Variants in ATR observed in about 807,000 individuals in gnomAD.
The protein encoded by ATR is ATR checkpoint kinase.
Under a neutral mutation model 305.3 loss-of-function variants are expected in ATR, and 142 were observed. That is an observed-to-expected ratio of 0.47 (90% CI 0.41 to 0.53). The LOEUF is 0.53. Ranked by LOEUF, ATR falls within the 20% of genes least tolerant of loss-of-function variation. ATR has a pLI of 0.00. For missense variants in ATR, 2,135 were observed against 3,133.1 expected, an observed-to-expected ratio of 0.68 and a Z score of 7.60; for synonymous variants, 1,050 against 1,068.1, an observed-to-expected ratio of 0.98 and a Z score of 0.33.
chr3:142,476,047 C>T (rs1167013013), intron 36 of ATR, among the ~76,000 whole-genome samples: 3 of 152,134 alleles, frequency 2.0e-5, no homozygotes, highest in African/African-American at 7.2e-5. Flanking sequence ...TGTAAGTTGC[C>T]TGTTCACTCT....
chr3:142,474,967 G>T (rs1439339047), intron 36 of ATR, among the ~76,000 whole-genome samples: 1 of 151,736 alleles, frequency 6.6e-6, no homozygotes, highest in Non-Finnish European at 1.5e-5. Flanking sequence ...AAAAACAAAG[G>T]AATGAAAAAC....
chr3:142,526,397 T>C (rs1235758263), intron 21 of ATR, among the ~76,000 whole-genome samples: 2 of 152,110 alleles, frequency 1.3e-5, no homozygotes, highest in African/African-American at 4.8e-5. Context: ...ATTGCTTTTT[T>C]CCCTAAATTC....
chr3:142,570,285 AT>A (rs1298845711), intron 1 of ATR, among the ~76,000 whole-genome samples: 2 of 152,138 alleles, frequency 1.3e-5, no homozygotes, highest in African/African-American at 4.8e-5. Context: ...ATGAATTCCA[AT>A]TTATCTGTTT....
chr3:142,473,734 T>C (rs139743726), intron 36 of ATR, among the ~76,000 whole-genome samples: 135 of 151,320 alleles, frequency 8.9e-4, no homozygotes, highest in Non-Finnish European at 1.4e-3. Context: ...TTAGTAGAGA[T>C]GGGGTTTCAC....
chr3:142,482,610 T>C (rs904155996), intron 36 of ATR, among the ~76,000 whole-genome samples: 3 of 152,086 alleles, frequency 2.0e-5, no homozygotes, highest in East Asian at 1.9e-4. Context: ...GGTGGGAAGA[T>C]TGCTTGAGGC....
Position 142,541,048 on chromosome 3 carries a change from T to C in ATR, c.3451-14A>G, listed in dbSNP as rs1030625161. On this transcript the variant is annotated splice_polypyrimidine_tract_variant and intron_variant, in intron 17 of 46. Coordinates refer to ENST00000350721, the MANE Select transcript of ATR (RefSeq NM_001184.4). ...ACTGTTCAAGGCCTATAGAGTTAAG[T>C]AGTGCTTCAGAGTAAAGCTTATAAA... 1.5e-5 allele frequency: 24 copies of C among 1,613,176 alleles called. No homozygotes were observed. The highest frequency in any genetic ancestry group is 9.4e-5 in the African/African-American group (7 of 74,866).
chr3:142,491,002 T>A (rs1040834565), intron 35 of ATR, among the ~76,000 whole-genome samples: 4 of 152,168 alleles, frequency 2.6e-5, no homozygotes, highest in Non-Finnish European at 5.9e-5. Flanking sequence ...TATTGGGATA[T>A]AATTAATATA....
chr3:142,536,023 C>T (rs1559973082), intron 20 of ATR, 85 bp downstream of exon 20: 1 of 974,248 alleles, frequency 1.0e-6, no homozygotes, highest in African/African-American at 1.6e-5. Context: ...AGATATGATC[C>T]TAAAGGATCT....
chr3:142,513,340 T>C (rs2032676449), intron 26 of ATR, among the ~76,000 whole-genome samples, 161 bp downstream of exon 26: 3 of 152,216 alleles, frequency 2.0e-5, no homozygotes, highest in Admixed American at 2.0e-4. Context: ...GTCTATCAAT[T>C]AAAGGGATAC....
At chr3:142,538,974 G>A (rs958153851) in intron 18 of ATR, among the ~76,000 whole-genome samples, 1 of 152,040 alleles carries the variant, frequency 6.6e-6, no homozygotes, top group Admixed American at 6.6e-5. Context: ...ACTATAATTT[G>A]TTACACAGAT....
chr3:142,514,104 CA>C (rs1354406866), intron 25 of ATR, among the ~76,000 whole-genome samples: 1 of 150,734 alleles, frequency 6.6e-6, no homozygotes, highest in African/African-American at 2.4e-5. Flanking sequence ...CCAGTCTCTA[CA>C]AAAAAAACAC....
chr3:142,517,993 A>G lies in ATR; in HGVS notation c.4382+1676T>C, dbSNP rs538064842. The stretch of plus-strand genomic sequence containing the variant: ...CCATGTTTTCAAAATTAAAAAATTA[A>G]AACCTGGAAATGTTAAATAACTTGC... On this transcript the variant is annotated intron_variant, in intron 24 of 46. Transcript: ENST00000350721. 9.2e-5 allele frequency among the ~76,000 whole-genome samples: 14 copies of G among 152,336 alleles called. No homozygotes were observed. The South Asian group carries it at 2.7e-3, about 29-fold the overall frequency.
chr3:142,505,563 C>T (rs938518590), intron 28 of ATR, among the ~76,000 whole-genome samples: 1 of 152,072 alleles, frequency 6.6e-6, no homozygotes. Context: ...TTATAAAGAA[C>T]CTCAGGATCC....
intron 21 of ATR, among the ~76,000 whole-genome samples, chr3:142,526,995 C>T (rs2033423113): frequency 6.6e-6 from 1 of 151,936 alleles, no homozygotes; most frequent in Non-Finnish European, 1.5e-5. Context: ...TGCTATATTG[C>T]TCAGGCTGGT....
At chr3:142,531,197 C>G (rs1453300154) in intron 21 of ATR, among the ~76,000 whole-genome samples, 1 of 152,094 alleles carries the variant, frequency 6.6e-6, no homozygotes, top group Non-Finnish European at 1.5e-5. Context: ...ATGTAGGCAT[C>G]CACCATTATC....
At chr3:142,455,441 C>G (rs2070883716) in intron 45 of ATR, among the ~76,000 whole-genome samples, 1 of 152,030 alleles carries the variant, frequency 6.6e-6, no homozygotes, top group Non-Finnish European at 1.5e-5. Context: ...ACAAGGGACC[C>G]ATAATAGCTA....
At chr3:142,568,329 A>T (rs886843689) in intron 1 of ATR, among the ~76,000 whole-genome samples, 175 bp from the exon 2 acceptor site, 2 of 152,264 alleles carry the variant, frequency 1.3e-5, no homozygotes, top group African/African-American at 4.8e-5. Flanking sequence ...TTACAAGAAA[A>T]AAAAGAATAT....
At chr3:142,484,106 ATCTC>A (rs933081111) in intron 36 of ATR, among the ~76,000 whole-genome samples, 1 of 152,106 alleles carries the variant, frequency 6.6e-6, no homozygotes, top group African/African-American at 2.4e-5. Context: ...AGGAAACAGA[ATCTC>A]TCTCTATGAG....
chr3:142,543,410 C>A (rs994967325), intron 16 of ATR, among the ~76,000 whole-genome samples: 1 of 148,612 alleles, frequency 6.7e-6, no homozygotes, highest in Non-Finnish European at 1.5e-5. Flanking sequence ...CTTCTTCCTC[C>A]CTCCTTTCCT....
Sources: allele counts gnomAD v4.1 joint callset (sites outside exome capture counted in the v4.1 genomes callset), GRCh38; gene constraint gnomAD v4.1.1; transcripts MANE v1.5; gene names NCBI Gene and HGNC (gene_info 2026-07-23, HGNC 2026-07-21).